Variants in VIL1 observed in about 807,000 individuals in gnomAD.
VIL1 encodes the protein villin 1, also known as villin-1.
A neutral mutation model predicts 104.0 loss-of-function variants in VIL1; 86 were observed. The ratio of observed to expected loss-of-function variants is 0.83; its 90% CI spans 0.69 to 0.99. The LOEUF is 0.99. Ranked by LOEUF, VIL1 falls within the 50% of genes least tolerant of loss-of-function variation. VIL1 has a pLI of 0.00. For synonymous variants in VIL1, 394 were observed against 412.6 expected (o/e 0.95, Z 0.55); for missense variants, 944 against 1,054.1 (o/e 0.90, Z 1.45).
intron 19 of VIL1, among the ~76,000 whole-genome samples, chr2:218,448,292 TG>T (rs1212195144): frequency 6.6e-6 from 1 of 151,642 alleles, no homozygotes; most frequent in East Asian, 2.0e-4. Context: ...TGGCCAGGCA[TG>T]GTGGCTCATG....
intron 17 of VIL1, among the ~76,000 whole-genome samples, chr2:218,437,680 G>C (rs79127626): frequency 0.012 from 1,874 of 152,342 alleles, 37 homozygotes; most frequent in African/African-American, 0.043. Context: ...AGGTGAGAAT[G>C]TTCTCATCAT....
At chr2:218,447,878 C>T (rs949322076) in intron 19 of VIL1, among the ~76,000 whole-genome samples, 1 of 152,122 alleles carries the variant, frequency 6.6e-6, no homozygotes, top group African/African-American at 2.4e-5. Context: ...CAGGCGTGTG[C>T]CACCATACCT....
At chr2:218,429,697 T>A (rs1243938239) in intron 8 of VIL1, 22 bp downstream of exon 8, 2 of 1,613,622 alleles carry the variant, frequency 1.2e-6, no homozygotes, top group South Asian at 2.2e-5. Context: ...TGGAGACCCC[T>A]CAGCCTACTG....
chr2:218,441,284 G>A (rs963533409), intron 19 of VIL1, among the ~76,000 whole-genome samples: 7 of 151,908 alleles, frequency 4.6e-5, no homozygotes, highest in Non-Finnish European at 8.8e-5. Context: ...AGCTACTCGG[G>A]AGGCTGAGCC....
rs923796450 is a variant in VIL1 at position 218,453,144 on chromosome 2, T to C, written c.*3808T>C. ...TAATTCAAAGAATGAAAACTTAGAA[T>C]AGTTTACTACATTAGAATACATCCA... is the stretch of plus-strand genomic sequence containing the variant. On this transcript the variant is annotated 3_prime_UTR_variant, in exon 20 of 20. Transcript: ENST00000248444. The C allele has an allele frequency of 1.3e-5, 2 of 152,178 alleles. No individual in the cohort carries two copies. The highest frequency in any genetic ancestry group is 3.9e-4 in the East Asian group (2 of 5,194). 9.4% of individuals were successfully genotyped at this position (152,178 alleles called of 1,614,324 possible).
Position 218,451,374 on chromosome 2 carries a change from C to T in VIL1, c.*2038C>T, listed in dbSNP as rs1415877063. 4 of 152,108 alleles carry T rather than the reference C, an allele frequency of 2.6e-5. No individual in the cohort carries two copies. Among genetic ancestry groups the T allele is most frequent in the East Asian group, 1.9e-4 (1 of 5,204 alleles). The allele number at this position is 152,108 out of a possible 1,614,324, so 9.4% of individuals were successfully genotyped here. A position where few individuals can be genotyped will look rare whatever the true frequency, so the allele number is the denominator to read the frequency against. On this transcript the variant is annotated 3_prime_UTR_variant, in exon 20 of 20. Transcript: ENST00000248444. ...CCCTGTTTAAAACAAAAGACCACCT[C>T]GGGGGGTCAATTAAATTAAAAAGGC... is the stretch of plus-strand genomic sequence containing the variant.
Position 218,436,508 on chromosome 2 carries a change from C to T in VIL1, c.1853C>T (p.Thr618Ile). ...KRLQEENLVITPRLFECSNKT... is the reference protein window; with the variant it reads ...KRLQEENLVIIPRLFECSNKT... ...CTACAGGAAGAAAACCTGGTCATCA[C>T]CCCCCGGCTCTTTGAGTGTTCCAAC... The change falls in exon 16 of 20, where the codon ACC (threonine) becomes ATC (isoleucine). Residue 618 changes from threonine (T) to isoleucine (I), a missense_variant. Thr to Ile is a moderately conservative substitution (Grantham distance 89). Coordinates refer to ENST00000248444, the MANE Select transcript of VIL1 (RefSeq NM_007127.3). The T allele has an allele frequency of 1.2e-6, 2 of 1,613,406 alleles. No individual in the cohort carries two copies. The highest frequency in any genetic ancestry group is 1.7e-6 in the Non-Finnish European group (2 of 1,179,672).
Position 218,435,354 on chromosome 2 carries a change from G to C in VIL1, c.1746G>C (p.Lys582Asn). ...CTGACACCATCTCCCGGACGGAGAA[G>C]CAAGTGGTGGTGGAAGGGCAGGAGC... ...MVADTISRTE[K>N]QVVVEGQEPA... The change falls in exon 15 of 20, where the codon AAG (lysine) becomes AAC (asparagine). Residue 582 changes from lysine to asparagine, a missense_variant. Lys to Asn is a moderately conservative substitution (Grantham distance 94). Coordinates refer to ENST00000248444, the MANE Select transcript of VIL1 (RefSeq NM_007127.3). The C allele has an allele frequency of 2.5e-6, 4 of 1,614,120 alleles. No individual in the cohort carries two copies. The highest frequency in any genetic ancestry group is 3.4e-6 in the Non-Finnish European group (4 of 1,180,000).
intron 14 of VIL1, 54 bp downstream of exon 14, chr2:218,434,759 C>A (rs1689159449): frequency 6.5e-7 from 1 of 1,546,300 alleles, no homozygotes; most frequent in Non-Finnish European, 8.7e-7. Flanking sequence ...TGGGAGTCCC[C>A]CAGTTTCGCA....
Position 218,426,544 on chromosome 2 carries a change from G to A in VIL1, c.347+733G>A, listed in dbSNP as rs888217554. 2.6e-5 allele frequency among the ~76,000 whole-genome samples: 4 copies of A among 152,000 alleles called. No individual in the cohort carries two copies. The East Asian group carries it at 5.8e-4, about 22-fold the overall frequency. On this transcript the variant is annotated intron_variant, in intron 4 of 19. Coordinates refer to ENST00000248444, the MANE Select transcript of VIL1 (RefSeq NM_007127.3). ...TGGGATTATAGGCGTGAGCCACTTC[G>A]TCTGGCCCCACCTCAGCCTCTTGAG...
chr2:218,431,221 C>T lies in VIL1; in HGVS notation c.1102+343C>T, dbSNP rs1335747877. On this transcript the variant is annotated intron_variant, in intron 10 of 19. Coordinates refer to ENST00000248444, the MANE Select transcript of VIL1 (RefSeq NM_007127.3). ...AATAAATTAGCCAAGCATGGTGGTGCATGCCTGTAACCCCAGCTACTCAGA... is the reference window on the plus strand; with the variant it reads ...AATAAATTAGCCAAGCATGGTGGTGTATGCCTGTAACCCCAGCTACTCAGA... 5 of 467,108 alleles carry T rather than the reference C, an allele frequency of 1.1e-5. No individual in the cohort carries two copies. The Admixed American group carries it at 1.6e-4, about 15-fold the overall frequency. The allele number at this position is 467,108 out of a possible 1,614,324, so 28.9% of individuals were successfully genotyped here. A position where few individuals can be genotyped will look rare whatever the true frequency, so the allele number is the denominator to read the frequency against.
intron 13 of VIL1, among the ~76,000 whole-genome samples, chr2:218,434,197 C>CAAAA (rs772237911): frequency 6.5e-5 from 6 of 92,118 alleles, no homozygotes; most frequent in Non-Finnish European, 1.1e-4. Flanking sequence ...AACTCCGTCT[C>CAAAA]AAAAAAAAAA....
chr2:218,447,215 C>T (rs551693190), intron 19 of VIL1, among the ~76,000 whole-genome samples: 12 of 152,226 alleles, frequency 7.9e-5, no homozygotes, highest in Non-Finnish European at 1.3e-4. Flanking sequence ...CCCTTGCAGG[C>T]AGTCTGTTAA....
rs1478394552 is a variant in VIL1 at position 218,451,837 on chromosome 2, G to A, written c.*2501G>A. 1.3e-5 allele frequency: 2 copies of A among 152,692 alleles called. No individual in the cohort carries two copies. Among genetic ancestry groups the A allele is most frequent in the African/African-American group, 2.4e-5 (1 of 41,568 alleles). The allele number at this position is 152,692 out of a possible 1,614,324, so 9.5% of individuals were successfully genotyped here. A position where few individuals can be genotyped will look rare whatever the true frequency, so the allele number is the denominator to read the frequency against. ...TTGTATTTGTTATTGAGCCTTTAAG[G>A]TTAGGCCCAGAATGAACAGACCATA... On this transcript the variant is annotated 3_prime_UTR_variant, in exon 20 of 20. Transcript: ENST00000248444.
chr2:218,435,065 T>C (rs1001694662), intron 14 of VIL1, among the ~76,000 whole-genome samples: 3 of 151,308 alleles, frequency 2.0e-5, no homozygotes, highest in Non-Finnish European at 4.4e-5. Flanking sequence ...ATGCATAGCC[T>C]CTTGGAGTCC....
Position 218,442,360 on chromosome 2 carries a change from T to C in VIL1, c.2370+1498T>C, listed in dbSNP as rs536331406. ...TCAGAGGAACACCAGGGCAGAGATA[T>C]GAATTTAAGACTCATCAGCACATGG... On this transcript the variant is annotated intron_variant, in intron 19 of 19. Coordinates refer to ENST00000248444, the MANE Select transcript of VIL1 (RefSeq NM_007127.3). Among the ~76,000 whole-genome samples the C allele has an allele frequency of 2.0e-5, 3 of 152,262 alleles. No individual in the cohort carries two copies. The South Asian group carries it at 6.2e-4, about 32-fold the overall frequency.
At chr2:218,433,450 A>G (rs1231051568) in intron 13 of VIL1, among the ~76,000 whole-genome samples, 1 of 150,764 alleles carries the variant, frequency 6.6e-6, no homozygotes, top group Non-Finnish European at 1.5e-5. Context: ...AAAGAAAAAA[A>G]AAAAATGCCG....
chr2:218,430,054 C>G, intron 9 of VIL1, 107 bp downstream of exon 9: 1 of 1,011,342 alleles, frequency 9.9e-7, no homozygotes, highest in Admixed American at 2.2e-5. Context: ...GGGCATAGTG[C>G]CAGGCAGAGG....
intron 4 of VIL1, among the ~76,000 whole-genome samples, chr2:218,426,973 C>T (rs1213356460): frequency 6.6e-6 from 1 of 152,144 alleles, no homozygotes; most frequent in Non-Finnish European, 1.5e-5. Context: ...TGGTCTCATA[C>T]TCCTGGGCTC....
Sources: allele counts gnomAD v4.1 joint callset (sites outside exome capture counted in the v4.1 genomes callset), GRCh38; gene constraint gnomAD v4.1.1; transcripts MANE v1.5; gene names NCBI Gene and HGNC (gene_info 2026-07-23, HGNC 2026-07-21).